SHROOM4: variants seen among roughly 807,000 people sequenced by gnomAD.
SHROOM4 encodes protein Shroom4.
A neutral mutation model predicts 80.3 loss-of-function variants in SHROOM4; 17 were observed. That is an observed-to-expected ratio of 0.21 (90% confidence interval 0.14 to 0.32). The LOEUF (loss-of-function observed/expected upper bound fraction) is 0.32. Ranked by LOEUF, SHROOM4 falls within the 10% of genes least tolerant of loss-of-function variation. SHROOM4 has a pLI of 1.00. For synonymous variants in SHROOM4, 400 were observed against 437.5 expected, an observed-to-expected ratio of 0.91 and a Z score of 1.07; for missense variants, 993 against 1,140.3, an observed-to-expected ratio of 0.87 and a Z score of 1.86.
chrX:50,639,735 A>T (rs1321421907), intron 2 of SHROOM4, among the ~76,000 whole-genome samples: 1 of 111,426 alleles, frequency 9.0e-6, no homozygotes, highest in Non-Finnish European at 1.9e-5. Flanking sequence ...GCAGAAGCAT[A>T]GAAGATCTCA....
intron 2 of SHROOM4, among the ~76,000 whole-genome samples, chrX:50,641,011 C>T (rs781924958): frequency 1.8e-5 from 2 of 112,349 alleles, no homozygotes; most frequent in Non-Finnish European, 3.8e-5. Context: ...GGCAAGGCCT[C>T]GACCAATCAT....
chrX:50,664,361 T>G (rs1932621618), intron 2 of SHROOM4, among the ~76,000 whole-genome samples: 1 of 112,308 alleles, frequency 8.9e-6, no homozygotes, highest in Non-Finnish European at 1.9e-5. Flanking sequence ...TTCTGTACTT[T>G]TGATATGAAA....
chrX:50,761,255 C>T (rs1935149770), intron 1 of SHROOM4, among the ~76,000 whole-genome samples: 1 of 111,172 alleles, frequency 9.0e-6, no homozygotes, highest in Non-Finnish European at 1.9e-5. Flanking sequence ...TCCCATCATT[C>T]ACCTCCCACT....
intron 1 of SHROOM4, among the ~76,000 whole-genome samples, chrX:50,781,199 A>G (rs143032636): frequency 0.03 from 3,307 of 110,621 alleles, 122 homozygotes; most frequent in African/African-American, 0.1. Context: ...TATTCAGTCT[A>G]CTGATTCAAA....
At chrX:50,712,484 AC>A (rs1157377474) in intron 1 of SHROOM4, among the ~76,000 whole-genome samples, 1 of 111,653 alleles carries the variant, frequency 9.0e-6, no homozygotes, top group African/African-American at 3.3e-5. Flanking sequence ...AAGGATAGCT[AC>A]CCCATTCTCC....
intron 2 of SHROOM4, among the ~76,000 whole-genome samples, chrX:50,661,151 T>C (rs1457983701): frequency 2.7e-5 from 3 of 111,597 alleles, no homozygotes; most frequent in Non-Finnish European, 3.8e-5. Context: ...ATTTCAACTT[T>C]CGTGTTGTCA....
intron 1 of SHROOM4, among the ~76,000 whole-genome samples, chrX:50,746,366 C>A (rs1557267604): frequency 9.0e-6 from 1 of 111,561 alleles, no homozygotes; most frequent in Admixed American, 9.5e-5. Context: ...AGGGGACCAC[C>A]CTCAGCCCAA....
chrX:50,605,022 C>A (rs781919205), intron 6 of SHROOM4, among the ~76,000 whole-genome samples: 15 of 111,965 alleles, frequency 1.3e-4, no homozygotes, highest in Non-Finnish European at 2.6e-4. Flanking sequence ...TCTTTGTTTG[C>A]ATTTTAGATT....
chrX:50,666,394 G>A (rs782613456), intron 2 of SHROOM4, among the ~76,000 whole-genome samples: 69 of 111,191 alleles, frequency 6.2e-4, no homozygotes, highest in Non-Finnish European at 1.1e-3. Context: ...GCGTGAAAGG[G>A]GCCTCTAGCA....
At chrX:50,584,589 G>T (rs1397226197), downstream of SHROOM4, among the ~76,000 whole-genome samples, 1 of 111,776 alleles carries the variant, frequency 8.9e-6, no homozygotes, top group Admixed American at 9.5e-5. Context: ...GTAGTTCAGA[G>T]GATAATAGTT....
chrX:50,642,219 A>AT (rs1356410767), intron 2 of SHROOM4, among the ~76,000 whole-genome samples: 10 of 112,117 alleles, frequency 8.9e-5, no homozygotes, highest in Non-Finnish European at 1.9e-4. Context: ...CGAGTTGCAG[A>AT]TTTTTTATCT....
chrX:50,790,458 C>T (rs2064249951), intron 1 of SHROOM4, among the ~76,000 whole-genome samples: 1 of 110,799 alleles, frequency 9.0e-6, no homozygotes, highest in Non-Finnish European at 1.9e-5. Context: ...TTTATGAGGC[C>T]AGCATTATAC....
At chrX:50,706,770 C>T (rs1298857899) in intron 1 of SHROOM4, among the ~76,000 whole-genome samples, 1 of 111,745 alleles carries the variant, frequency 8.9e-6, no homozygotes, top group Non-Finnish European at 1.9e-5. Flanking sequence ...GAATAATTAT[C>T]CTTTGAGCTA....
chrX:50,628,564 T>C (rs782779671), intron 4 of SHROOM4, among the ~76,000 whole-genome samples: 5 of 111,823 alleles, frequency 4.5e-5, no homozygotes, highest in Non-Finnish European at 9.4e-5. Flanking sequence ...CTTTCTCCAA[T>C]GCTACTACTA....
chrX:50,623,576 G>A (rs781928515), intron 5 of SHROOM4, among the ~76,000 whole-genome samples: 2 of 112,053 alleles, frequency 1.8e-5, no homozygotes, highest in African/African-American at 3.2e-5. Flanking sequence ...TTTTGCTGGT[G>A]GGAATGTAAA....
At chrX:50,626,533 T>A (rs1231127823) in intron 5 of SHROOM4, among the ~76,000 whole-genome samples, 1 of 111,734 alleles carries the variant, frequency 8.9e-6, no homozygotes, top group Non-Finnish European at 1.9e-5. Context: ...ACCAGCTGCA[T>A]CAGCATCACC....
At chrX:50,736,473 T>G (rs781954956) in intron 1 of SHROOM4, among the ~76,000 whole-genome samples, 41 of 111,459 alleles carry the variant, frequency 3.7e-4, no homozygotes, top group African/African-American at 1.2e-3. Flanking sequence ...GTGTTCTCAT[T>G]GTTCAGCTCC....
At chrX:50,717,003 C>T (rs1213710447) in intron 1 of SHROOM4, among the ~76,000 whole-genome samples, 2 of 112,364 alleles carry the variant, frequency 1.8e-5, no homozygotes, top group South Asian at 3.7e-4. Context: ...ACCTGACGTA[C>T]GATGCCTGCT....
intron 1 of SHROOM4, among the ~76,000 whole-genome samples, chrX:50,810,516 C>A (rs1336463495): frequency 9.0e-6 from 1 of 111,377 alleles, no homozygotes; most frequent in Non-Finnish European, 1.9e-5. Flanking sequence ...GCTTCCTGCA[C>A]CTTACCTCTG....
Sources: allele counts gnomAD v4.1 joint callset (sites outside exome capture counted in the v4.1 genomes callset), GRCh38; gene constraint gnomAD v4.1.1; transcripts MANE v1.5; gene names NCBI Gene and HGNC (gene_info 2026-07-23, HGNC 2026-07-21).